CNBD1: variants seen among roughly 807,000 people sequenced by gnomAD.
The protein encoded by CNBD1 is cyclic nucleotide binding domain containing 1, also known as cyclic nucleotide-binding domain-containing protein 1.
In CNBD1, 71 loss-of-function variants were observed where a neutral mutation model predicts 54.4. The observed-to-expected ratio is 1.30, with a 90% CI of 1.08 to 1.59. CNBD1 has a LOEUF of 1.59. CNBD1 is among the 40% of genes most tolerant of loss of function. The pLI is 0.00. For synonymous variants in CNBD1, 182 were observed against 170.7 expected (o/e 1.07, Z -0.51); for missense variants, 659 against 518.0 (o/e 1.27, Z -2.64).
intron 5 of CNBD1, among the ~76,000 whole-genome samples, chr8:87,228,993 ACCCGATTTT>A (rs1164135638): frequency 6.6e-6 from 1 of 152,088 alleles, no homozygotes; most frequent in Non-Finnish European, 1.5e-5. Flanking sequence ...GGTGGGAGTG[ACCCGATTTT>A]CCCGATTTTC....
At chr8:87,057,112 T>C (rs945049346) in intron 4 of CNBD1, among the ~76,000 whole-genome samples, 10 of 152,192 alleles carry the variant, frequency 6.6e-5, no homozygotes, top group African/African-American at 2.4e-4. Context: ...ACCTGCCATG[T>C]TGTGACTACT....
Position 87,342,916 on chromosome 8 carries a change from A to C in CNBD1, c.1043-8769A>C, listed in dbSNP as rs1233473678. On this transcript the variant is annotated intron_variant, in intron 8 of 10. Transcript: ENST00000518476. Reference sequence around the variant, plus strand: ...GAGAGCAGAGAACCGGTCTGACTAGAATTCACCAGGCTGGAATTTCCCAAT... The same window carrying C: ...GAGAGCAGAGAACCGGTCTGACTAGCATTCACCAGGCTGGAATTTCCCAAT... Among the ~76,000 whole-genome samples the C allele has an allele frequency of 2.0e-5, 3 of 152,100 alleles. No homozygotes were observed. In the East Asian group the frequency reaches 5.8e-4, roughly 29 times the overall value.
chr8:87,371,672 G>T (rs1386022528), intron 10 of CNBD1, among the ~76,000 whole-genome samples: 1 of 151,960 alleles, frequency 6.6e-6, no homozygotes, highest in Non-Finnish European at 1.5e-5. Flanking sequence ...GGGATGCAAG[G>T]CTGGTTCAAT....
intron 4 of CNBD1, among the ~76,000 whole-genome samples, chr8:87,121,411 A>G (rs1165350014): frequency 1.3e-5 from 2 of 151,908 alleles, no homozygotes; most frequent in African/African-American, 4.8e-5. Context: ...TCATAATTTT[A>G]TACATTTATG....
intron 3 of CNBD1, among the ~76,000 whole-genome samples, chr8:86,914,318 G>A (rs1284620053): frequency 6.6e-6 from 1 of 152,190 alleles, no homozygotes; most frequent in East Asian, 1.9e-4. Flanking sequence ...CATGGCTTCA[G>A]CCAGTCCCTC....
chr8:87,144,346 G>C (rs1401568916), intron 4 of CNBD1, among the ~76,000 whole-genome samples: 1 of 152,140 alleles, frequency 6.6e-6, no homozygotes, highest in Non-Finnish European at 1.5e-5. Flanking sequence ...CAGAGAATAA[G>C]TCACCATGGT....
intron 2 of CNBD1, among the ~76,000 whole-genome samples, chr8:87,419,009 C>T (rs1807881440): frequency 6.6e-6 from 1 of 151,790 alleles, no homozygotes; most frequent in Non-Finnish European, 1.5e-5. Flanking sequence ...CATGAATGTT[C>T]ATAGCAGCAT....
intron 8 of CNBD1, among the ~76,000 whole-genome samples, chr8:87,294,646 A>G (rs941793604): frequency 7.2e-5 from 11 of 152,180 alleles, no homozygotes; most frequent in African/African-American, 2.2e-4. Context: ...GTGGAAAGAT[A>G]TTTTTAATTC....
intron 4 of CNBD1, among the ~76,000 whole-genome samples, chr8:86,962,566 AC>A (rs1156456286): frequency 2.6e-5 from 4 of 152,078 alleles, no homozygotes; most frequent in African/African-American, 7.2e-5. Flanking sequence ...CGGGCACATC[AC>A]GAGGTCAGGA....
At chr8:87,250,331 G>A (rs1402487780) in intron 6 of CNBD1, among the ~76,000 whole-genome samples, 2 of 152,122 alleles carry the variant, frequency 1.3e-5, no homozygotes, top group African/African-American at 4.8e-5. Flanking sequence ...CACAAATGTT[G>A]GCCAGGATAT....
intron 2 of CNBD1, among the ~76,000 whole-genome samples, chr8:86,901,664 T>G (rs1274780863): frequency 1.3e-5 from 2 of 152,194 alleles, no homozygotes; most frequent in Non-Finnish European, 2.9e-5. Flanking sequence ...AACTCAGGCC[T>G]CTACCAAACA....
At chr8:86,997,349 G>T (rs1206631725) in intron 4 of CNBD1, among the ~76,000 whole-genome samples, 1 of 152,028 alleles carries the variant, frequency 6.6e-6, no homozygotes, top group Non-Finnish European at 1.5e-5. Flanking sequence ...TTTTCATCTT[G>T]CTCTTCAGTC....
intron 2 of CNBD1, among the ~76,000 whole-genome samples, chr8:86,898,961 G>C (rs921334091): frequency 5.3e-5 from 8 of 152,086 alleles, no homozygotes; most frequent in African/African-American, 1.9e-4. Flanking sequence ...AATAAAAAAT[G>C]TGGTTTATAT....
At chr8:87,399,373 C>A (rs77280185) in intron 2 of CNBD1, among the ~76,000 whole-genome samples, 2,280 of 152,088 alleles carry the variant, frequency 0.015, 58 homozygotes, top group African/African-American at 0.049. Context: ...TGAGTCTTTT[C>A]TCTGTTCTCC....
chr8:87,045,496 C>A (rs577086291), intron 4 of CNBD1, among the ~76,000 whole-genome samples: 1 of 151,930 alleles, frequency 6.6e-6, no homozygotes, highest in East Asian at 1.9e-4. Flanking sequence ...GAGGCGGAGG[C>A]GGGCGGATCA....
At chr8:87,220,169 AACTTAATGCTATGAATATGATGAATTC>A (rs1358256743) in intron 5 of CNBD1, among the ~76,000 whole-genome samples, 4 of 152,186 alleles carry the variant, frequency 2.6e-5, no homozygotes, top group African/African-American at 9.6e-5. Flanking sequence ...TTTTTAAAGT[AACTTAATGCTATGAATATGATGAATTC>A]ACTTAATGCT....
chr8:87,033,299 C>A (rs1809834509), intron 4 of CNBD1, among the ~76,000 whole-genome samples: 1 of 152,154 alleles, frequency 6.6e-6, no homozygotes, highest in Admixed American at 6.5e-5. Flanking sequence ...TGTTTGGGGG[C>A]AAGTAGACCA....
chr8:87,249,838 G>A (rs1290148233), intron 6 of CNBD1, among the ~76,000 whole-genome samples: 2 of 152,108 alleles, frequency 1.3e-5, no homozygotes, highest in Non-Finnish European at 2.9e-5. Context: ...ATAAAAACAG[G>A]ACCCTTGAAC....
At chr8:87,235,776 TG>T in intron 5 of CNBD1, among the ~76,000 whole-genome samples, 1 of 152,268 alleles carries the variant, frequency 6.6e-6, no homozygotes, top group Non-Finnish European at 1.5e-5. Context: ...CTGATAGACT[TG>T]CTAGATGCAA....
Sources: allele counts gnomAD v4.1 joint callset (sites outside exome capture counted in the v4.1 genomes callset), GRCh38; gene constraint gnomAD v4.1.1; transcripts MANE v1.5; gene names NCBI Gene and HGNC (gene_info 2026-07-23, HGNC 2026-07-21).